Variants in CCDC15 observed in about 807,000 individuals in gnomAD.
The protein encoded by CCDC15 is coiled-coil domain-containing protein 15.
A neutral mutation model predicts 114.5 loss-of-function variants in CCDC15; 105 were observed. That is an observed-to-expected ratio of 0.92 (90% CI 0.78 to 1.08). The LOEUF (loss-of-function observed/expected upper bound fraction) is 1.08, where lower values mean the gene tolerates loss of function less well. Ranked by LOEUF, CCDC15 falls within the 50% of genes least tolerant of loss-of-function variation. The pLI, the probability that CCDC15 is intolerant of heterozygous loss-of-function variation, is 0.00. For synonymous variants in CCDC15, 334 were observed against 377.8 expected, an observed-to-expected ratio of 0.88 and a Z score of 1.34; for missense variants, 1,105 against 1,093.6, an observed-to-expected ratio of 1.01 and a Z score of -0.15.
At chr11:125,015,608 C>T (rs1186954760) in intron 13 of CCDC15, among the ~76,000 whole-genome samples, 1 of 152,046 alleles carries the variant, frequency 6.6e-6, no homozygotes, top group East Asian at 1.9e-4. Context: ...AAAGAAAAAT[C>T]CAGGTTCAGA....
At chr11:124,990,583 T>A (rs1476623919) in intron 8 of CCDC15, among the ~76,000 whole-genome samples, 1 of 152,228 alleles carries the variant, frequency 6.6e-6, no homozygotes, top group Non-Finnish European at 1.5e-5. Flanking sequence ...AAAAATAGTT[T>A]CTTGATTGAT....
chr11:124,970,758 T>C (rs181070082), intron 4 of CCDC15, among the ~76,000 whole-genome samples: 3 of 152,324 alleles, frequency 2.0e-5, no homozygotes, highest in East Asian at 1.9e-4. Flanking sequence ...GAAGAAAATA[T>C]GAACAGTGTC....
At chr11:124,978,704 A>G (rs887843081) in intron 6 of CCDC15, among the ~76,000 whole-genome samples, 4 of 151,984 alleles carry the variant, frequency 2.6e-5, no homozygotes, top group African/African-American at 9.7e-5. Flanking sequence ...TATTCTGGAT[A>G]TCAGACCTTT....
chr11:125,023,809 G>A lies in CCDC15; in HGVS notation c.2412-14622G>A, dbSNP rs549335099. Among the ~76,000 whole-genome samples, 95 of 152,094 alleles carry A rather than the reference G, an allele frequency of 6.2e-4. 1 individual carries two copies. Among genetic ancestry groups the A allele is most frequent in the Admixed American group, 6.2e-3 (95 of 15,246 alleles). Reference sequence around the variant, plus strand: ...ACAAAGGAATGCGGGCAATAAAAATGAAAGAAGTATGGCTATAATGTGGAT... The same window carrying A: ...ACAAAGGAATGCGGGCAATAAAAATAAAAGAAGTATGGCTATAATGTGGAT... On this transcript the variant is annotated intron_variant, in intron 13 of 15. Coordinates refer to ENST00000344762, the MANE Select transcript of CCDC15 (RefSeq NM_025004.3).
At chr11:124,964,387 A>G (rs182853365) in intron 4 of CCDC15, among the ~76,000 whole-genome samples, 145 of 152,118 alleles carry the variant, frequency 9.5e-4, no homozygotes, top group African/African-American at 3.2e-3. Flanking sequence ...ATTCCTAGGT[A>G]TTTTATTCTC....
chr11:125,032,880 C>G (rs1948749936), intron 13 of CCDC15, among the ~76,000 whole-genome samples: 1 of 152,210 alleles, frequency 6.6e-6, no homozygotes, highest in African/African-American at 2.4e-5. Context: ...TGGAGGACCA[C>G]AATGATGTTT....
intron 2 of CCDC15, among the ~76,000 whole-genome samples, chr11:124,955,806 T>C (rs1235601554): frequency 2.0e-5 from 3 of 152,228 alleles, no homozygotes; most frequent in African/African-American, 7.2e-5. Context: ...CATATGTATG[T>C]ATATTCATTG....
chr11:124,987,059 T>A, intron 7 of CCDC15, 68 bp from the exon 8 acceptor site: 1 of 1,393,634 alleles, frequency 7.2e-7, no homozygotes, highest in Non-Finnish European at 9.5e-7. Flanking sequence ...ATATTTCGAT[T>A]ATTTTGGAAA....
At chr11:124,986,718 C>CGCGCGCGG in intron 6 of CCDC15, 24 bp from the exon 7 acceptor site, 1 of 1,529,832 alleles carries the variant, frequency 6.5e-7, no homozygotes, top group East Asian at 2.5e-5. Context: ...CGCGCGTGCG[C>CGCGCGCGG]GTTTTCATTG....
At chr11:124,996,680 T>C (rs1286563133) in intron 11 of CCDC15, among the ~76,000 whole-genome samples, 1 of 152,190 alleles carries the variant, frequency 6.6e-6, no homozygotes, top group African/African-American at 2.4e-5. Context: ...ACTGAGACCA[T>C]ATACCCGTTA....
chr11:124,986,700 T>TGTGTGTGTGCGCGCGC (rs878887902), intron 6 of CCDC15, 42 bp from the exon 7 acceptor site: 68 of 1,353,012 alleles, frequency 5.0e-5, no homozygotes, highest in African/African-American at 4.7e-4. Context: ...TTTGTGTGTG[T>TGTGTGTGTGCGCGCGC]GCGCGCGCGC....
intron 6 of CCDC15, among the ~76,000 whole-genome samples, chr11:124,983,965 A>C (rs544322291): frequency 1.3e-5 from 2 of 152,234 alleles, no homozygotes; most frequent in African/African-American, 4.8e-5. Context: ...ACTCACAGGC[A>C]TGGGGCTGGT....
Position 125,041,125 on chromosome 11 carries a change from G to C in CCDC15, c.*414G>C, listed in dbSNP as rs1195357362. 1 of 154,756 alleles carries C rather than the reference G, an allele frequency of 6.5e-6. No individual in the cohort carries two copies. The highest frequency in any genetic ancestry group is 1.9e-4 in the East Asian group (1 of 5,306). The allele number at this position is 154,756 out of a possible 1,614,324, so 9.6% of individuals were successfully genotyped here. ...ATGAAATGTGTTTCTGAGCATCAGA[G>C]ACCATCTATATTGCCATTACCTTTT... is the stretch of plus-strand genomic sequence containing the variant. On this transcript the variant is annotated 3_prime_UTR_variant, in exon 16 of 16. Transcript: ENST00000344762.
chr11:125,003,759 A>G (rs1948516009), intron 11 of CCDC15, 108 bp from the exon 12 acceptor site: 11 of 628,372 alleles, frequency 1.8e-5, no homozygotes, highest in Non-Finnish European at 3.0e-5. Flanking sequence ...TTCTTTATCC[A>G]ATTGAGCCCA....
chr11:124,967,654 C>G (rs1300960259), intron 4 of CCDC15, among the ~76,000 whole-genome samples: 1 of 152,234 alleles, frequency 6.6e-6, no homozygotes, highest in African/African-American at 2.4e-5. Flanking sequence ...AAGTCATTCT[C>G]CATCCAGCTT....
At chr11:124,974,460 A>T (rs1435727820) in intron 4 of CCDC15, among the ~76,000 whole-genome samples, 1 of 152,222 alleles carries the variant, frequency 6.6e-6, no homozygotes, top group Non-Finnish European at 1.5e-5. Flanking sequence ...ATTAGTAGTC[A>T]TTTATTAGGT....
At chr11:125,020,180 A>G (rs532444272) in intron 13 of CCDC15, among the ~76,000 whole-genome samples, 2 of 152,106 alleles carry the variant, frequency 1.3e-5, no homozygotes, top group African/African-American at 4.8e-5. Context: ...TGTTATATCA[A>G]AGAGGCAGAT....
intron 13 of CCDC15, among the ~76,000 whole-genome samples, chr11:125,007,003 C>T (rs139180208): frequency 2.6e-4 from 39 of 152,216 alleles, no homozygotes; most frequent in African/African-American, 9.4e-4. Flanking sequence ...TGATAACATG[C>T]AATGTATATG....
intron 13 of CCDC15, among the ~76,000 whole-genome samples, chr11:125,028,612 A>G (rs1266415873): frequency 6.6e-6 from 1 of 152,188 alleles, no homozygotes; most frequent in Non-Finnish European, 1.5e-5. Flanking sequence ...TTGTTGGTGT[A>G]TAGCAGTACT....
Sources: gnomAD v4.1 joint callset for allele counts (sites outside exome capture counted in the v4.1 genomes callset) on GRCh38, gnomAD v4.1.1 for gene constraint, MANE v1.5 for transcripts, NCBI Gene and HGNC (gene_info 2026-07-23, HGNC 2026-07-21) for gene names.